The following PSPC1 variants were observed in gnomAD, a reference collection of about 807,000 sequenced individuals.
The protein encoded by PSPC1 is paraspeckle component 1.
Under a neutral mutation model 51.6 loss-of-function variants are expected in PSPC1, and 14 were observed. The observed-to-expected ratio is 0.27, with a 90% CI of 0.18 to 0.42. The LOEUF is 0.42. Among genes scored for constraint, PSPC1 ranks in the 10% least tolerant of loss-of-function variants. PSPC1 has a pLI of 1.00. For synonymous variants in PSPC1, 193 were observed against 231.9 expected, an observed-to-expected ratio of 0.83 and a Z score of 1.53; for missense variants, 406 against 701.1, an observed-to-expected ratio of 0.58 and a Z score of 4.75.
intron 7 of PSPC1, chr13:19,675,002 G>A (rs1288753199): frequency 6.6e-6 from 1 of 152,282 alleles, no homozygotes. Flanking sequence ...GACAATGAAG[G>A]TTCAGAATTC....
intron 7 of PSPC1, among the ~76,000 whole-genome samples, chr13:19,708,118 G>A (rs1419046716): frequency 2.6e-5 from 4 of 152,112 alleles, no homozygotes; most frequent in Non-Finnish European, 5.9e-5. Context: ...TTGGTAAAAA[G>A]TGACCAAGTA....
intron 1 of PSPC1, among the ~76,000 whole-genome samples, chr13:19,781,014 A>C (rs1889899086): frequency 6.6e-6 from 1 of 151,852 alleles, no homozygotes; most frequent in South Asian, 2.1e-4. Context: ...AAAATTAGGC[A>C]GGCTTGGGGG....
At chr13:19,683,386 A>G (rs891919044) in intron 6 of PSPC1, among the ~76,000 whole-genome samples, 2 of 152,226 alleles carry the variant, frequency 1.3e-5, no homozygotes, top group South Asian at 2.1e-4. Context: ...CAAAAACATT[A>G]TGTGAAGTGG....
intron 6 of PSPC1, among the ~76,000 whole-genome samples, chr13:19,689,484 G>A (rs1306063669): frequency 6.6e-6 from 1 of 152,134 alleles, no homozygotes; most frequent in African/African-American, 2.4e-5. Context: ...CTACTATAAT[G>A]TGATTATTAA....
At chr13:19,732,146 A>G (rs910432551) in intron 5 of PSPC1, among the ~76,000 whole-genome samples, 1 of 152,236 alleles carries the variant, frequency 6.6e-6, no homozygotes, top group Non-Finnish European at 1.5e-5. Context: ...AACATGAACA[A>G]AAATGTTCCT....
chr13:19,707,061 A>T (rs1408772175), intron 7 of PSPC1, among the ~76,000 whole-genome samples: 1 of 152,126 alleles, frequency 6.6e-6, no homozygotes, highest in Admixed American at 6.5e-5. Context: ...ATATAAGAAC[A>T]GTATCTAAGA....
At chr13:19,742,560 G>A (rs1219325368) in intron 4 of PSPC1, among the ~76,000 whole-genome samples, 3 of 152,058 alleles carry the variant, frequency 2.0e-5, no homozygotes, top group African/African-American at 4.8e-5. Flanking sequence ...CCAACATGGC[G>A]CAACCCCATC....
At chr13:19,671,778 G>C, downstream of PSPC1, 2 of 1,561,196 alleles carry the variant, frequency 1.3e-6, no homozygotes, top group African/African-American at 1.4e-5. Flanking sequence ...GTTTTTTCTT[G>C]TAAGAAAGGG....
chr13:19,768,593 A>C (rs1411266037), intron 2 of PSPC1, among the ~76,000 whole-genome samples: 1 of 150,730 alleles, frequency 6.6e-6, no homozygotes, highest in African/African-American at 2.5e-5. Flanking sequence ...GCTTGCAGTG[A>C]GCCGAGATCA....
At chr13:19,714,782 A>C (rs558745943) in intron 6 of PSPC1, among the ~76,000 whole-genome samples, 69 of 152,268 alleles carry the variant, frequency 4.5e-4, no homozygotes, top group African/African-American at 1.6e-3. Context: ...GGTGTGAGCC[A>C]CCATGCCCAG....
chr13:19,759,817 G>GC (rs915640928), intron 2 of PSPC1, among the ~76,000 whole-genome samples: 9 of 145,516 alleles, frequency 6.2e-5, no homozygotes, highest in African/African-American at 1.3e-4. Context: ...AGTCAAGATC[G>GC]CATCACTGCA....
chr13:19,751,950 C>T (rs1434077424), intron 3 of PSPC1, among the ~76,000 whole-genome samples: 3 of 152,002 alleles, frequency 2.0e-5, no homozygotes, highest in Admixed American at 6.6e-5. Context: ...CCCAGCTACT[C>T]GGGAGGCTGA....
chr13:19,743,937 G>A lies in PSPC1; in HGVS notation c.968-2288C>T, dbSNP rs150024531. ...AGCCTGACCAACATGGAGAAACCCC[G>A]TCTCTACTAAAAACACAAAAATTAG... is the stretch of plus-strand genomic sequence containing the variant. On this transcript the variant is annotated intron_variant, in intron 4 of 8. Coordinates refer to ENST00000338910, the MANE Select transcript of PSPC1 (RefSeq NM_001354909.2). 8.7e-3 allele frequency among the ~76,000 whole-genome samples: 1,322 copies of A among 151,974 alleles called. 24 individuals carry two copies. Among genetic ancestry groups the A allele is most frequent in the African/African-American group, 0.03 (1,252 of 41,456 alleles).
chr13:19,743,872 C>G (rs1383393227), intron 4 of PSPC1, among the ~76,000 whole-genome samples: 2 of 152,120 alleles, frequency 1.3e-5, no homozygotes, highest in African/African-American at 4.8e-5. Flanking sequence ...CTTTGGGAGG[C>G]TGAGGCAGGC....
intron 7 of PSPC1, among the ~76,000 whole-genome samples, chr13:19,706,172 C>T (rs866684118): frequency 3.9e-5 from 6 of 151,910 alleles, no homozygotes; most frequent in African/African-American, 1.4e-4. Context: ...TACATTTTAC[C>T]AGTTTAAATG....
chr13:19,733,798 T>G (rs1884434927), intron 5 of PSPC1, among the ~76,000 whole-genome samples: 1 of 145,540 alleles, frequency 6.9e-6, no homozygotes. Flanking sequence ...TATATATATA[T>G]ATATATTAGG....
chr13:19,684,162 G>T (rs116091570), intron 6 of PSPC1, among the ~76,000 whole-genome samples: 2 of 152,074 alleles, frequency 1.3e-5, no homozygotes, highest in Non-Finnish European at 2.9e-5. Context: ...CCCTACAAAG[G>T]CATCTCGAAA....
intron 1 of PSPC1, among the ~76,000 whole-genome samples, chr13:19,777,038 C>T (rs959315112): frequency 6.7e-6 from 1 of 148,288 alleles, no homozygotes; most frequent in Non-Finnish European, 1.5e-5. Context: ...GAGTGAGAAT[C>T]GCTTGAACCT....
intron 6 of PSPC1, among the ~76,000 whole-genome samples, chr13:19,724,523 T>G (rs1028811236): frequency 6.6e-6 from 1 of 152,102 alleles, no homozygotes; most frequent in Non-Finnish European, 1.5e-5. Context: ...GGGTTCACAT[T>G]TGAAAGAACA....
Sources: gnomAD v4.1 joint callset for allele counts (sites outside exome capture counted in the v4.1 genomes callset) on GRCh38, gnomAD v4.1.1 for gene constraint, MANE v1.5 for transcripts, NCBI Gene and HGNC (gene_info 2026-07-23, HGNC 2026-07-21) for gene names.